Variants in ASCC3 observed in about 807,000 individuals in gnomAD.
ASCC3 encodes the protein activating signal cointegrator 1 complex subunit 3.
ASCC3 carries 158 observed loss-of-function variants against 256.3 expected under a neutral mutation model. That is an observed-to-expected ratio of 0.62 (90% confidence interval 0.54 to 0.70). The LOEUF (loss-of-function observed/expected upper bound fraction) is 0.70. Among genes scored for constraint, ASCC3 ranks in the 30% least tolerant of loss-of-function variants. The pLI is 0.00. For missense variants in ASCC3, 2,259 were observed against 2,626.0 expected (o/e 0.86, Z 3.05); for synonymous variants, 948 against 883.4 (o/e 1.07, Z -1.30).
chr6:100,739,662 T>G (rs1307641522), intron 10 of ASCC3, among the ~76,000 whole-genome samples: 1 of 152,186 alleles, frequency 6.6e-6, no homozygotes, highest in Non-Finnish European at 1.5e-5. Context: ...GATCTAGTTT[T>G]GGGAAGGTAT....
chr6:100,752,242 T>G (rs1354417499), intron 10 of ASCC3, among the ~76,000 whole-genome samples: 2 of 152,128 alleles, frequency 1.3e-5, no homozygotes, highest in African/African-American at 4.8e-5. Context: ...TATATTATCT[T>G]GCTGGTTTGT....
At chr6:100,519,105 G>C (rs1774177258) in intron 37 of ASCC3, among the ~76,000 whole-genome samples, 1 of 152,030 alleles carries the variant, frequency 6.6e-6, no homozygotes, top group Admixed American at 6.6e-5. Flanking sequence ...AAATTAATTT[G>C]CTATACTACT....
At chr6:100,657,489 C>A (rs1215236200) in intron 16 of ASCC3, among the ~76,000 whole-genome samples, 2 of 151,332 alleles carry the variant, frequency 1.3e-5, no homozygotes, top group South Asian at 4.1e-4. Context: ...ATTTGACAGA[C>A]CAAATTGTAT....
chr6:100,755,035 T>C (rs945910065), intron 10 of ASCC3, among the ~76,000 whole-genome samples: 2 of 152,028 alleles, frequency 1.3e-5, no homozygotes, highest in Non-Finnish European at 2.9e-5. Context: ...CAGTCTCGGG[T>C]ATTTCTTCAT....
intron 1 of ASCC3, among the ~76,000 whole-genome samples, chr6:100,874,464 C>CAA (rs530326162): frequency 0.47 from 36,882 of 77,708 alleles, 8,705 homozygotes; most frequent in Non-Finnish European, 0.56. Context: ...GACTCTGTCT[C>CAA]AAAAAAAAAA....
At chr6:100,708,450 A>G (rs560257613) in intron 13 of ASCC3, among the ~76,000 whole-genome samples, 2 of 152,300 alleles carry the variant, frequency 1.3e-5, no homozygotes, top group African/African-American at 2.4e-5. Flanking sequence ...ACACACATTT[A>G]GATGAAAATA....
rs1774960871 is a variant in ASCC3 at position 100,638,596 on chromosome 6, C to A, written c.4122+5G>T. 6.3e-7 allele frequency: 1 copy of A among 1,596,046 alleles called. No homozygotes were observed. On this transcript the variant is annotated splice_donor_5th_base_variant and intron_variant, in intron 25 of 41. Transcript: ENST00000369162. ...TTAAATGTAAGTATGATTCTTTCAA[C>A]AGACCTTTGAAGTAGGGTATTTGTT...
chr6:100,607,269 T>C (rs575852083), intron 30 of ASCC3, among the ~76,000 whole-genome samples, 181 bp from the exon 31 acceptor site: 40 of 152,220 alleles, frequency 2.6e-4, no homozygotes, highest in African/African-American at 9.4e-4. Flanking sequence ...TTGGTGAGAA[T>C]ATATACTCTA....
intron 4 of ASCC3, among the ~76,000 whole-genome samples, chr6:100,827,539 C>A (rs1428626479): frequency 1.3e-5 from 2 of 152,072 alleles, no homozygotes; most frequent in African/African-American, 2.4e-5. Flanking sequence ...GAATCATATT[C>A]TATTAGATGC....
chr6:100,836,320 T>C (rs1429843477), intron 4 of ASCC3, among the ~76,000 whole-genome samples: 1 of 144,424 alleles, frequency 6.9e-6, no homozygotes, highest in Non-Finnish European at 1.5e-5. Context: ...GGCATCCTCA[T>C]CTTATTCCAG....
intron 1 of ASCC3, among the ~76,000 whole-genome samples, chr6:100,880,731 T>A (rs771525396): frequency 6.6e-6 from 1 of 152,128 alleles, no homozygotes; most frequent in Non-Finnish European, 1.5e-5. Context: ...CAAGGCTTTG[T>A]AACAGAAAAA....
chr6:100,764,674 C>CTATT (rs35582105), intron 10 of ASCC3, among the ~76,000 whole-genome samples: 2 of 152,012 alleles, frequency 1.3e-5, no homozygotes, highest in Non-Finnish European at 2.9e-5. Flanking sequence ...ATCAATATTT[C>CTATT]TATTTATTTA....
At chr6:100,530,614 T>C in intron 37 of ASCC3, 2 of 798,280 alleles carry the variant, frequency 2.5e-6, no homozygotes, top group Non-Finnish European at 4.6e-6. Flanking sequence ...AGAGCAGCAA[T>C]ACAGTGTGAG....
chr6:100,800,194 T>G, intron 6 of ASCC3, 106 bp downstream of exon 6: 6 of 1,237,064 alleles, frequency 4.9e-6, no homozygotes, highest in Non-Finnish European at 7.0e-6. Context: ...AAACGTGACT[T>G]GAAGTAAAAA....
intron 4 of ASCC3, among the ~76,000 whole-genome samples, chr6:100,829,269 C>G (rs1193074871): frequency 6.6e-6 from 1 of 152,106 alleles, no homozygotes; most frequent in African/African-American, 2.4e-5. Flanking sequence ...GACTGGGCAC[C>G]GTGGAGCAGG....
intron 30 of ASCC3, among the ~76,000 whole-genome samples, chr6:100,614,109 CT>C: frequency 6.6e-6 from 1 of 152,206 alleles, no homozygotes; most frequent in East Asian, 1.9e-4. Context: ...AGTGTAAGCA[CT>C]TCATATTTAT....
intron 4 of ASCC3, among the ~76,000 whole-genome samples, chr6:100,829,180 C>T (rs559396374): frequency 3.0e-4 from 45 of 152,282 alleles, no homozygotes; most frequent in Admixed American, 7.8e-4. Flanking sequence ...CAGTGGATCC[C>T]GCACCTGGGC....
chr6:100,872,741 C>A (rs556108398), intron 1 of ASCC3, among the ~76,000 whole-genome samples: 1 of 152,146 alleles, frequency 6.6e-6, no homozygotes, highest in Non-Finnish European at 1.5e-5. Context: ...CCAGTACCAG[C>A]CCAAAGCCTG....
chr6:100,621,042 AT>A (rs1773927271), intron 30 of ASCC3, among the ~76,000 whole-genome samples: 1 of 152,186 alleles, frequency 6.6e-6, no homozygotes, highest in Non-Finnish European at 1.5e-5. Flanking sequence ...AGTTTGCCTT[AT>A]TCTTCAGATG....
Sources: gnomAD v4.1 joint callset for allele counts (sites outside exome capture counted in the v4.1 genomes callset) on GRCh38, gnomAD v4.1.1 for gene constraint, MANE v1.5 for transcripts, NCBI Gene and HGNC (gene_info 2026-07-23, HGNC 2026-07-21) for gene names.